DCAF8L2: variants seen among roughly 807,000 people sequenced by gnomAD.
DCAF8L2 encodes DDB1 and CUL4 associated factor 8 like 2, also known as DDB1- and CUL4-associated factor 8-like protein 2.
For missense variants in DCAF8L2, 430 were observed against 490.7 expected (o/e 0.88, Z 1.17); for synonymous variants, 200 against 190.9 (o/e 1.05, Z -0.39).
chrX:27,522,137 C>T, the DCAF8L2 span, among the ~76,000 whole-genome samples: 1 of 112,027 alleles, frequency 8.9e-6, no homozygotes, highest in African/African-American at 3.2e-5. Flanking sequence ...AAGCAATTCT[C>T]CTGCCTCAAC....
chrX:27,556,383 C>T, the DCAF8L2 span, among the ~76,000 whole-genome samples: 1 of 110,999 alleles, frequency 9.0e-6, no homozygotes, highest in Admixed American at 9.6e-5. Flanking sequence ...GTGTAATGTG[C>T]GATATAAACA....
chrX:27,633,252 T>C (rs193041129), intron 2 of DCAF8L2: 1 of 112,123 alleles, frequency 8.9e-6, no homozygotes, highest in Non-Finnish European at 1.9e-5. Context: ...TTCAATTGGG[T>C]TGAGATAATG....
the DCAF8L2 span, among the ~76,000 whole-genome samples, chrX:27,493,026 G>A: frequency 9.0e-6 from 1 of 111,486 alleles, no homozygotes; most frequent in South Asian, 3.8e-4. Context: ...AAGCCCAGGA[G>A]TTAGAGACCA....
intron 2 of DCAF8L2, among the ~76,000 whole-genome samples, chrX:27,675,534 G>C (rs1930109894): frequency 8.9e-6 from 1 of 112,078 alleles, no homozygotes. Flanking sequence ...GTGCTAGTTG[G>C]TTAGCCGGTT....
chrX:27,702,451 C>CA (rs79297424), intron 3 of DCAF8L2, among the ~76,000 whole-genome samples: 2,144 of 102,370 alleles, frequency 0.021, 20 homozygotes, highest in Non-Finnish European at 0.031. Flanking sequence ...CCAAAATCCT[C>CA]AAAAAAAAAA....
the DCAF8L2 span, among the ~76,000 whole-genome samples, chrX:27,506,630 C>G: frequency 9.0e-6 from 1 of 110,737 alleles, no homozygotes; most frequent in Non-Finnish European, 1.9e-5. Context: ...TGTCTTCTCT[C>G]ATGTATCTGT....
At chrX:27,530,148 A>G in the DCAF8L2 span, among the ~76,000 whole-genome samples, 6 of 111,377 alleles carry the variant, frequency 5.4e-5, no homozygotes, top group African/African-American at 1.6e-4. Flanking sequence ...TAGATGCCCA[A>G]TGTAGGTGTG....
chrX:27,728,312 A>G (rs1266147577), intron 4 of DCAF8L2, among the ~76,000 whole-genome samples: 1 of 106,574 alleles, frequency 9.4e-6, no homozygotes, highest in African/African-American at 3.5e-5. Context: ...GGCCAATTCA[A>G]TGTCTTGTTG....
chrX:27,633,318 TA>T (rs1928369907), intron 2 of DCAF8L2: 1 of 112,620 alleles, frequency 8.9e-6, no homozygotes, highest in African/African-American at 3.2e-5. Context: ...TCTTTAATTT[TA>T]ATACTTACGG....
At chrX:27,606,249 A>ATT (rs1926866581) in intron 1 of DCAF8L2, among the ~76,000 whole-genome samples, 2 of 84,169 alleles carry the variant, frequency 2.4e-5, no homozygotes, top group South Asian at 1.0e-3. Flanking sequence ...ATATATAGGA[A>ATT]TTATATATAT....
the DCAF8L2 span, among the ~76,000 whole-genome samples, chrX:27,511,731 A>T: frequency 8.6e-4 from 96 of 112,021 alleles, no homozygotes; most frequent in African/African-American, 2.9e-3. Context: ...AAGTGGCGAT[A>T]ATTTTACCTG....
intron 3 of DCAF8L2, among the ~76,000 whole-genome samples, chrX:27,706,359 T>C (rs1050840288): frequency 9.0e-6 from 1 of 111,140 alleles, no homozygotes; most frequent in Non-Finnish European, 1.9e-5. Flanking sequence ...AAGAATTTCT[T>C]TGGTAGTTTG....
chrX:27,563,539 T>C, the DCAF8L2 span, among the ~76,000 whole-genome samples: 1 of 112,442 alleles, frequency 8.9e-6, no homozygotes, highest in Middle Eastern at 4.6e-3. Flanking sequence ...AATCCAAATA[T>C]GTCAAATGCA....
At chrX:27,518,090 C>T in the DCAF8L2 span, 1 of 903,433 alleles carries the variant, frequency 1.1e-6, no homozygotes, top group East Asian at 3.1e-5. Context: ...GAAGATGTTT[C>T]TGAGGAATTA....
chrX:27,515,709 C>T, the DCAF8L2 span, among the ~76,000 whole-genome samples: 3 of 112,041 alleles, frequency 2.7e-5, no homozygotes, highest in Non-Finnish European at 5.6e-5. Context: ...TATGGTAGTG[C>T]ACATAATTCA....
the DCAF8L2 span, chrX:27,519,321 T>C: frequency 8.3e-6 from 9 of 1,089,899 alleles, no homozygotes; most frequent in Non-Finnish European, 7.6e-6. Flanking sequence ...CAGAGCGGCT[T>C]GAAAAGGAGC....
At position 27,747,074 on chromosome X, in the gene DCAF8L2, G is replaced by T. The variant is rs1276140430; in HGVS notation, c.179G>T (p.Gly60Val). ...VTGDGSDSRD[G>V]GFPNDASTEN... ...GGAGATGGCAGTGATAGCAGGGATGGTGGATTCCCCAACGATGCCAGCACA... is the reference window on the plus strand; with the variant it reads ...GGAGATGGCAGTGATAGCAGGGATGTTGGATTCCCCAACGATGCCAGCACA... Residue 60 changes from glycine to valine, a missense_variant, in exon 5 of 5, where the codon GGT becomes GTT. Coordinates refer to ENST00000451261, the MANE Select transcript of DCAF8L2 (RefSeq NM_001353450.2). 1.7e-6 allele frequency: 2 copies of T among 1,167,011 alleles called. No homozygotes were observed. Among genetic ancestry groups the T allele is most frequent in the African/African-American group, 3.6e-5 (2 of 55,623 alleles).
At chrX:27,706,234 C>T (rs1931340021) in intron 3 of DCAF8L2, among the ~76,000 whole-genome samples, 1 of 111,233 alleles carries the variant, frequency 9.0e-6, no homozygotes, top group South Asian at 3.7e-4. Flanking sequence ...AACGTGATGC[C>T]TCCAGTTTCT....
intron 4 of DCAF8L2, among the ~76,000 whole-genome samples, chrX:27,738,718 G>T (rs1238483200): frequency 9.0e-6 from 1 of 111,673 alleles, no homozygotes; most frequent in Non-Finnish European, 1.9e-5. Flanking sequence ...CTGCTTCCAG[G>T]CAACAAATCT....
Sources: allele counts gnomAD v4.1 joint callset (sites outside exome capture counted in the v4.1 genomes callset), GRCh38; gene constraint gnomAD v4.1.1; transcripts MANE v1.5; gene names NCBI Gene and HGNC (gene_info 2026-07-23, HGNC 2026-07-21).